The following FCHSD2 variants were observed in gnomAD, a reference collection of about 807,000 sequenced individuals.
The protein encoded by FCHSD2 is FCH and double SH3 domains 2, also known as F-BAR and double SH3 domains protein 2.
FCHSD2 carries 38 observed loss-of-function variants against 108.1 expected under a neutral mutation model. That is an observed-to-expected ratio of 0.35 (90% CI 0.27 to 0.46). The LOEUF is 0.46. Among genes scored for constraint, FCHSD2 ranks in the 20% least tolerant of loss-of-function variants. The probability of loss-of-function intolerance (pLI) is 1.00; values close to 1 mark genes in which losing one functional copy is unlikely to be tolerated. For missense variants in FCHSD2, 751 were observed against 897.8 expected, an observed-to-expected ratio of 0.84 and a Z score of 2.09; for synonymous variants, 279 against 314.7, an observed-to-expected ratio of 0.89 and a Z score of 1.20.
At chr11:73,083,588 G>A (rs1859748486) in intron 3 of FCHSD2, 107 bp downstream of exon 3, 37 of 608,296 alleles carry the variant, frequency 6.1e-5, no homozygotes, top group South Asian at 1.1e-4. Context: ...GAAATAACAA[G>A]AAAAGGAAGG....
At chr11:73,011,922 T>G (rs1429272201) in intron 4 of FCHSD2, among the ~76,000 whole-genome samples, 1 of 152,202 alleles carries the variant, frequency 6.6e-6, no homozygotes, top group Admixed American at 6.5e-5. Flanking sequence ...TTCTTCTTAG[T>G]GGAGGAGGTA....
Position 73,005,600 on chromosome 11 carries a change from AC to A in FCHSD2, c.243-4467del, listed in dbSNP as rs536537665. On this transcript the variant is annotated intron_variant, in intron 4 of 19. Transcript: ENST00000409418. ...CCCAGGCTTCTTCTCTTCTCTAACT[AC>A]ATTCACTCTGTTGAAAATTGTTTTT... Among the ~76,000 whole-genome samples, 13 of 152,044 alleles carry A rather than the reference AC, an allele frequency of 8.6e-5. No individual in the cohort carries two copies. In the East Asian group the frequency reaches 2.5e-3, roughly 29 times the overall value.
At chr11:72,865,753 G>T (rs1025066306) in intron 13 of FCHSD2, among the ~76,000 whole-genome samples, 1 of 152,094 alleles carries the variant, frequency 6.6e-6, no homozygotes, top group African/African-American at 2.4e-5. Context: ...GGTGGGGGTG[G>T]GGAGTGGGAA....
At chr11:73,088,535 CCTTTA>C (rs1460871624) in intron 2 of FCHSD2, among the ~76,000 whole-genome samples, 1 of 151,936 alleles carries the variant, frequency 6.6e-6, no homozygotes, top group Non-Finnish European at 1.5e-5. Context: ...TTATAGGCTT[CCTTTA>C]CTTTCTTCTT....
intron 9 of FCHSD2, among the ~76,000 whole-genome samples, chr11:72,919,937 G>A (rs988446170): frequency 2.0e-5 from 3 of 151,692 alleles, no homozygotes; most frequent in African/African-American, 7.3e-5. Context: ...GGTTAATAAG[G>A]AGAAAAAAAT....
chr11:72,976,010 T>C (rs1857097681), intron 8 of FCHSD2, among the ~76,000 whole-genome samples: 1 of 152,224 alleles, frequency 6.6e-6, no homozygotes, highest in Non-Finnish European at 1.5e-5. Flanking sequence ...AAGAACATGC[T>C]ATGAAAAAGG....
At chr11:72,905,224 C>T (rs1855603871) in intron 9 of FCHSD2, among the ~76,000 whole-genome samples, 1 of 152,092 alleles carries the variant, frequency 6.6e-6, no homozygotes, top group African/African-American at 2.4e-5. Flanking sequence ...GGTATCTTCA[C>T]GTGATCTTCT....
chr11:73,021,409 G>C (rs1267458488), intron 3 of FCHSD2, among the ~76,000 whole-genome samples: 1 of 152,074 alleles, frequency 6.6e-6, no homozygotes, highest in African/African-American at 2.4e-5. Flanking sequence ...CCTTTGCAGG[G>C]GCGTGGATGG....
At chr11:72,939,503 GC>G (rs1286824183) in intron 8 of FCHSD2, among the ~76,000 whole-genome samples, 3 of 151,304 alleles carry the variant, frequency 2.0e-5, no homozygotes, top group African/African-American at 7.3e-5. Context: ...GTTAAAAGCT[GC>G]CTGTTTGATG....
rs748678642 is a variant in FCHSD2, at chr11:72,841,514, G to A, written c.1996C>T (p.Pro666Ser). 5.0e-6 allele frequency: 8 copies of A among 1,611,432 alleles called. 1 individual carries two copies. The South Asian group carries it at 5.5e-5, about 11-fold the overall frequency. ...CTCCTCTTATCTGGGCTGGGGTAGG[G>A]GCTGCTGGGAGGCTGGTCGTACAAC... ...LPLYDQPPSS[P>S]YPSPDKRSSL... The change falls in exon 18 of 20, where the codon CCC (proline) becomes TCC (serine). Residue 666 changes from proline to serine, a missense_variant. Transcript: ENST00000409418.
At chr11:72,953,184 G>C (rs1270429812) in intron 8 of FCHSD2, among the ~76,000 whole-genome samples, 1 of 152,146 alleles carries the variant, frequency 6.6e-6, no homozygotes, top group Non-Finnish European at 1.5e-5. Context: ...TAGAGAAGAG[G>C]AACATTCTTT....
intron 13 of FCHSD2, among the ~76,000 whole-genome samples, chr11:72,861,262 G>A (rs1190215182): frequency 6.6e-6 from 1 of 151,986 alleles, no homozygotes; most frequent in Non-Finnish European, 1.5e-5. Flanking sequence ...ACAACTTTGT[G>A]CCAATAAATC....
chr11:72,927,079 C>G (rs1856091514), intron 8 of FCHSD2, among the ~76,000 whole-genome samples: 1 of 152,120 alleles, frequency 6.6e-6, no homozygotes, highest in South Asian at 2.1e-4. Context: ...TTCACAAGCA[C>G]AAAACAAATG....
chr11:73,133,854 A>G (rs1039777890), intron 2 of FCHSD2, among the ~76,000 whole-genome samples: 2 of 150,900 alleles, frequency 1.3e-5, no homozygotes, highest in African/African-American at 4.9e-5. Flanking sequence ...GCAAGATTCC[A>G]CTTCTATAGA....
chr11:73,036,602 T>C (rs1019548344), intron 3 of FCHSD2, among the ~76,000 whole-genome samples: 2 of 152,212 alleles, frequency 1.3e-5, no homozygotes, highest in Non-Finnish European at 2.9e-5. Flanking sequence ...TTAAAAACTT[T>C]CAATGTCATT....
At chr11:72,953,428 C>T (rs948091448) in intron 8 of FCHSD2, among the ~76,000 whole-genome samples, 11 of 152,104 alleles carry the variant, frequency 7.2e-5, no homozygotes, top group Admixed American at 6.5e-4. Context: ...CAGTTGAGAG[C>T]TTATTTGACA....
intron 9 of FCHSD2, among the ~76,000 whole-genome samples, chr11:72,916,817 C>T (rs530389554): frequency 6.6e-6 from 1 of 152,196 alleles, no homozygotes; most frequent in African/African-American, 2.4e-5. Flanking sequence ...TGTTTTCTTT[C>T]GTTACTTGTG....
At chr11:73,002,581 A>G (rs1462291842) in intron 4 of FCHSD2, among the ~76,000 whole-genome samples, 3 of 152,120 alleles carry the variant, frequency 2.0e-5, no homozygotes, top group African/African-American at 7.3e-5. Context: ...TATACTTAAA[A>G]TACATTTTAA....
At chr11:73,037,677 T>C (rs183110218) in intron 3 of FCHSD2, among the ~76,000 whole-genome samples, 86 of 152,346 alleles carry the variant, frequency 5.6e-4, no homozygotes, top group Non-Finnish European at 1.1e-3. Context: ...CATTTAATCA[T>C]ATAAGTCAGA....
Sources: allele counts gnomAD v4.1 joint callset (sites outside exome capture counted in the v4.1 genomes callset), GRCh38; gene constraint gnomAD v4.1.1; transcripts MANE v1.5; gene names NCBI Gene and HGNC (gene_info 2026-07-23, HGNC 2026-07-21).